The following CMTM7 variants were observed in gnomAD, a reference collection of about 807,000 sequenced individuals.
The protein encoded by CMTM7 is CKLF-like MARVEL transmembrane domain-containing protein 7.
CMTM7 carries 7 observed loss-of-function variants against 19.3 expected under a neutral mutation model. The observed-to-expected ratio is 0.36, with a 90% CI of 0.21 to 0.68. The LOEUF (loss-of-function observed/expected upper bound fraction) is 0.68, where lower values mean the gene tolerates loss of function less well. Ranked by LOEUF, CMTM7 falls within the 30% of genes least tolerant of loss-of-function variation. The probability of loss-of-function intolerance (pLI) is 0.60; values close to 1 mark genes in which losing one functional copy is unlikely to be tolerated. For missense variants in CMTM7, 193 were observed against 232.6 expected (o/e 0.83, Z 1.11); for synonymous variants, 87 against 99.3 (o/e 0.88, Z 0.74).
chr3:32,425,559 GCT>G (rs1489634303), intron 1 of CMTM7, among the ~76,000 whole-genome samples: 1 of 151,764 alleles, frequency 6.6e-6, no homozygotes, highest in Non-Finnish European at 1.5e-5. Flanking sequence ...AAATTAACAT[GCT>G]CTGTTTCCTC....
At chr3:32,443,535 T>C (rs2125640993) in intron 2 of CMTM7, among the ~76,000 whole-genome samples, 1 of 152,374 alleles carries the variant, frequency 6.6e-6, no homozygotes, top group African/African-American at 2.4e-5. Context: ...AGCATTCATA[T>C]ACAAGTTTTT....
intron 1 of CMTM7, among the ~76,000 whole-genome samples, chr3:32,431,795 T>A (rs545778542): frequency 6.6e-6 from 1 of 152,312 alleles, no homozygotes; most frequent in East Asian, 1.9e-4. Flanking sequence ...CATAAAAAGA[T>A]GATAGTAGTA....
chr3:32,447,763 T>G (rs895656566), intron 2 of CMTM7, among the ~76,000 whole-genome samples: 3 of 152,180 alleles, frequency 2.0e-5, no homozygotes, highest in Non-Finnish European at 4.4e-5. Context: ...TTCTTTTGGT[T>G]GTTGTTTGCG....
At chr3:32,400,686 T>G (rs1165457930) in intron 1 of CMTM7, among the ~76,000 whole-genome samples, 1 of 152,178 alleles carries the variant, frequency 6.6e-6, no homozygotes, top group Non-Finnish European at 1.5e-5. Flanking sequence ...CCACCATGCC[T>G]GGCTGTAAAT....
rs768004823 is a variant in CMTM7 at position 32,452,384 on chromosome 3, C to T, written c.433-8C>T. On this transcript the variant is annotated splice_polypyrimidine_tract_variant and splice_region_variant and intron_variant, in intron 3 of 4. Coordinates refer to ENST00000334983, the MANE Select transcript of CMTM7 (RefSeq NM_138410.4). ...CTGTGAACTTCCTCTCCCCTCTCTC[C>T]ACTGCAGATCTTTGGTTTCATGGCC... The T allele has an allele frequency of 2.5e-6, 4 of 1,614,206 alleles. No individual in the cohort carries two copies. The highest frequency in any genetic ancestry group is 3.4e-6 in the Non-Finnish European group (4 of 1,180,028).
chr3:32,426,081 T>G (rs200295421), intron 1 of CMTM7, among the ~76,000 whole-genome samples: 3 of 151,876 alleles, frequency 2.0e-5, no homozygotes, highest in Admixed American at 6.6e-5. Flanking sequence ...GGAGGCAGAG[T>G]TTGCGGTGAG....
At chr3:32,392,638 C>T (rs1695856772) in intron 1 of CMTM7, among the ~76,000 whole-genome samples, 1 of 152,198 alleles carries the variant, frequency 6.6e-6, no homozygotes, top group South Asian at 2.1e-4. Flanking sequence ...CCGTCCTGGT[C>T]CCCTGCGCCC....
At chr3:32,452,019 T>C in intron 3 of CMTM7, 2 of 1,227,786 alleles carry the variant, frequency 1.6e-6, no homozygotes, top group Non-Finnish European at 2.2e-6. Flanking sequence ...GTTCAGATTT[T>C]TTTAACCCAA....
chr3:32,444,077 A>T (rs755206575), intron 2 of CMTM7, among the ~76,000 whole-genome samples: 105 of 151,856 alleles, frequency 6.9e-4, no homozygotes, highest in Non-Finnish European at 1.1e-3. Context: ...TAGTTTATTT[A>T]TTTTTTTTCT....
intron 1 of CMTM7, among the ~76,000 whole-genome samples, chr3:32,427,293 C>T (rs555760632): frequency 2.6e-5 from 4 of 152,318 alleles, no homozygotes; most frequent in Admixed American, 6.5e-5. Flanking sequence ...AGGACAAACA[C>T]GTAGTGAGTT....
intron 1 of CMTM7, among the ~76,000 whole-genome samples, chr3:32,400,144 C>G (rs1051523319): frequency 6.6e-6 from 1 of 151,998 alleles, no homozygotes; most frequent in African/African-American, 2.4e-5. Flanking sequence ...CTTAGCCTCC[C>G]AAGTAGCTGG....
intron 1 of CMTM7, 34 bp downstream of exon 1, chr3:32,392,099 A>G: frequency 1.6e-6 from 2 of 1,228,068 alleles, no homozygotes; most frequent in Non-Finnish European, 1.0e-6. Context: ...CCGAGGTTCT[A>G]CAGGGCGTCC....
At chr3:32,404,237 T>A (rs1233827736) in intron 1 of CMTM7, among the ~76,000 whole-genome samples, 16 of 143,028 alleles carry the variant, frequency 1.1e-4, no homozygotes. Context: ...CTCGGCCCAC[T>A]GCAACCTCCA....
chr3:32,415,810 C>G (rs998973864), intron 1 of CMTM7, among the ~76,000 whole-genome samples: 6 of 152,148 alleles, frequency 3.9e-5, no homozygotes, highest in African/African-American at 1.4e-4. Context: ...TCCTTTTTCC[C>G]TTTGCACATC....
intron 1 of CMTM7, among the ~76,000 whole-genome samples, chr3:32,432,407 C>T (rs146569466): frequency 5.3e-5 from 8 of 152,358 alleles, no homozygotes; most frequent in African/African-American, 1.2e-4. Context: ...ACATCTTCCC[C>T]GCCCATTCCT....
intron 1 of CMTM7, among the ~76,000 whole-genome samples, chr3:32,412,757 C>G (rs1414648864): frequency 1.3e-5 from 2 of 152,054 alleles, no homozygotes; most frequent in Admixed American, 6.6e-5. Context: ...TATTTTGGCC[C>G]TTGTTTAAGA....
At chr3:32,394,392 C>T (rs1695885334) in intron 1 of CMTM7, among the ~76,000 whole-genome samples, 1 of 152,168 alleles carries the variant, frequency 6.6e-6, no homozygotes. Flanking sequence ...AACAGGTTGA[C>T]CCTTTTGTCC....
At chr3:32,434,474 T>TAAA (rs2125636475) in intron 1 of CMTM7, among the ~76,000 whole-genome samples, 1 of 150,562 alleles carries the variant, frequency 6.6e-6, no homozygotes, top group African/African-American at 2.5e-5. Flanking sequence ...TTTTAAAAAT[T>TAAA]TTTTTTTTTT....
chr3:32,394,501 A>T (rs964227382), intron 1 of CMTM7, among the ~76,000 whole-genome samples: 3 of 152,118 alleles, frequency 2.0e-5, no homozygotes, highest in Non-Finnish European at 2.9e-5. Flanking sequence ...CTGGAGAATG[A>T]CTTCCCTTGT....
Sources: gnomAD v4.1 joint callset for allele counts (sites outside exome capture counted in the v4.1 genomes callset) on GRCh38, gnomAD v4.1.1 for gene constraint, MANE v1.5 for transcripts, NCBI Gene and HGNC (gene_info 2026-07-23, HGNC 2026-07-21) for gene names.